The following IFNGR1 variants were observed in gnomAD, a reference collection of about 807,000 sequenced individuals.
The protein encoded by IFNGR1 is interferon gamma receptor 1.
Under a neutral mutation model 35.4 loss-of-function variants are expected in IFNGR1, and 23 were observed. The ratio of observed to expected loss-of-function variants is 0.65; its 90% CI spans 0.47 to 0.92. The LOEUF is 0.92. Among genes scored for constraint, IFNGR1 ranks in the 40% least tolerant of loss-of-function variants. IFNGR1 has a pLI of 0.00. For missense variants in IFNGR1, 533 were observed against 583.4 expected (o/e 0.91, Z 0.89); for synonymous variants, 199 against 209.5 (o/e 0.95, Z 0.43).
In IFNGR1 at chr6:137,203,538, T is replaced by C. The variant is rs200848254; in HGVS notation, c.694A>G (p.Lys232Glu). The stretch of plus-strand genomic sequence containing the variant: ...TTGAAAATGGTAATACAAACTTCTT[T>C]TGACTTTTCAGTTGTAACACCCCAC... ...HVWGVTTEKSKEVCITIFNSS... is the reference protein window; with the variant it reads ...HVWGVTTEKSEEVCITIFNSS... The change falls in exon 5 of 7, where the codon AAA becomes GAA. Residue 232 changes from lysine to glutamate, a missense_variant. By Grantham distance (56) the Lys-to-Glu change is moderately conservative (BLOSUM62 1). Transcript: ENST00000367739. 45 of 1,612,632 alleles carry C rather than the reference T, an allele frequency of 2.8e-5. No individual in the cohort carries two copies. Among genetic ancestry groups the C allele is most frequent in the African/African-American group, 4.0e-5 (3 of 74,898 alleles).
chr6:137,206,009 TA>T (rs1447419108), intron 3 of IFNGR1, 126 bp downstream of exon 3: 4 of 811,766 alleles, frequency 4.9e-6, no homozygotes, highest in Non-Finnish European at 6.2e-6. Flanking sequence ...GTACTGACTC[TA>T]AATTCCTCCA....
intron 1 of IFNGR1, 96 bp from the exon 2 acceptor site, chr6:137,207,173 A>G (rs1582638224): frequency 2.0e-6 from 3 of 1,476,800 alleles, no homozygotes; most frequent in East Asian, 2.4e-5. Flanking sequence ...CCAGATATGT[A>G]TATTTGAAGA....
intron 1 of IFNGR1, chr6:137,215,346 T>A: frequency 6.5e-7 from 1 of 1,542,948 alleles, no homozygotes; most frequent in Non-Finnish European, 8.7e-7. Context: ...GTTTCCTGAT[T>A]TTATTACATT....
At chr6:137,204,541 G>T (rs1030589560) in intron 3 of IFNGR1, 37 bp from the exon 4 acceptor site, 1 of 1,466,648 alleles carries the variant, frequency 6.8e-7, no homozygotes, top group Admixed American at 1.7e-5. Context: ...ATAAATACTG[G>T]CCTTGGAACT....
Position 137,215,913 on chromosome 6 carries a change from T to C in IFNGR1, c.85+3330A>G, listed in dbSNP as rs17181688. On this transcript the variant is annotated intron_variant, in intron 1 of 6. Coordinates refer to ENST00000367739, the MANE Select transcript of IFNGR1 (RefSeq NM_000416.3). The stretch of plus-strand genomic sequence containing the variant: ...TTTTTTGTAGAGATGGGTTTTGCCA[T>C]GTTGCCCAGGCTGGTCTTGAACTTC... Among the ~76,000 whole-genome samples, 903 of 152,258 alleles carry C rather than the reference T, an allele frequency of 5.9e-3. 6 individuals carry two copies. Among genetic ancestry groups the C allele is most frequent in the Non-Finnish European group, 9.8e-3 (665 of 68,016 alleles).
chr6:137,211,344 T>A (rs1414116047), intron 1 of IFNGR1, among the ~76,000 whole-genome samples: 1 of 152,232 alleles, frequency 6.6e-6, no homozygotes, highest in Admixed American at 6.5e-5. Context: ...CCTGTATATT[T>A]CATGGCTCCC....
At chr6:137,213,592 A>C (rs1205859223) in intron 1 of IFNGR1, among the ~76,000 whole-genome samples, 1 of 152,242 alleles carries the variant, frequency 6.6e-6, no homozygotes, top group African/African-American at 2.4e-5. Context: ...GATATGAAAA[A>C]AGAGAGACAA....
In IFNGR1 at chr6:137,207,095, A is replaced by C; in HGVS notation, c.86-18T>G. On this transcript the variant is annotated intron_variant, in intron 1 of 6. Coordinates refer to ENST00000367739, the MANE Select transcript of IFNGR1 (RefSeq NM_000416.3). ...TGTAGGCACTGTAAGAAAATAAAAA[A>C]GTAAAAGGGACAATTGTAAGAAACT... 1 of 1,613,456 alleles carries C rather than the reference A, an allele frequency of 6.2e-7. No individual in the cohort carries two copies.
intron 1 of IFNGR1, chr6:137,215,190 AAAGTTTTGTTGGTTTTCATT>A: frequency 1.3e-6 from 2 of 1,516,724 alleles, no homozygotes; most frequent in Non-Finnish European, 1.8e-6. Flanking sequence ...GACAATATGC[AAAGTTTTGTTGGTTTTCATT>A]AAGAAAAATG....
At chr6:137,198,972 A>G (rs1486961303) in intron 6 of IFNGR1, among the ~76,000 whole-genome samples, 1 of 152,172 alleles carries the variant, frequency 6.6e-6, no homozygotes, top group Non-Finnish European at 1.5e-5. Context: ...AAGGAGATTA[A>G]CATTTGAGTC....
chr6:137,201,127 A>G (rs1779267774), intron 5 of IFNGR1, 119 bp from the exon 6 acceptor site: 2 of 1,063,482 alleles, frequency 1.9e-6, no homozygotes. Flanking sequence ...CCAGAGTTTT[A>G]AAGAACACTG....
chr6:137,207,109 T>C, intron 1 of IFNGR1, 32 bp from the exon 2 acceptor site: 1 of 1,611,800 alleles, frequency 6.2e-7, no homozygotes, highest in East Asian at 2.2e-5. Context: ...AAAGGGACAA[T>C]TGTAAGAAAC....
At chr6:137,206,545 C>T (rs566406895) in intron 2 of IFNGR1, 2 of 456,048 alleles carry the variant, frequency 4.4e-6, no homozygotes, top group South Asian at 7.5e-5. Context: ...AAGCCACATT[C>T]CACATTCAAT....
intron 1 of IFNGR1, among the ~76,000 whole-genome samples, chr6:137,210,277 C>T (rs1183424457): frequency 1.3e-5 from 2 of 151,438 alleles, no homozygotes; most frequent in African/African-American, 4.9e-5. Flanking sequence ...TGAGCTGTGA[C>T]TGTGCCACTG....
chr6:137,199,511 TATA>T (rs1779205392), intron 6 of IFNGR1, among the ~76,000 whole-genome samples: 2 of 63,320 alleles, frequency 3.2e-5, no homozygotes, highest in Admixed American at 4.9e-4. Flanking sequence ...ATATATAATT[TATA>T]ATATATTATA....
In IFNGR1 at chr6:137,198,364, A is replaced by G; in HGVS notation, c.1137T>C (p.Ser379=). The change falls in exon 7 of 7, where the codon TCT becomes TCC. Residue 379 remains serine (S), a synonymous_variant. Transcript: ENST00000367739. ...SHLTPIERES[S]SPLSSNQSEP... is the part of the protein sequence containing the mutation. ...CAGACTGGTTACTACTTAAAGGTGA[A>G]GAACTCTCTCTCTCTATTGGAGTCA... The G allele has an allele frequency of 6.2e-7, 1 of 1,614,168 alleles. No individual in the cohort carries two copies. The highest frequency in any genetic ancestry group is 8.5e-7 in the Non-Finnish European group (1 of 1,180,032).
intron 1 of IFNGR1, among the ~76,000 whole-genome samples, chr6:137,208,179 T>C (rs1317971825): frequency 6.6e-6 from 1 of 152,182 alleles, no homozygotes; most frequent in Non-Finnish European, 1.5e-5. Flanking sequence ...AATTACTAAG[T>C]GGCATAGCAT....
chr6:137,201,909 A>G (rs1779286950), intron 5 of IFNGR1, among the ~76,000 whole-genome samples: 1 of 152,180 alleles, frequency 6.6e-6, no homozygotes, highest in Non-Finnish European at 1.5e-5. Context: ...CCAAGCACAT[A>G]CATCTAGAAT....
At chr6:137,209,048 G>A (rs748597176) in intron 1 of IFNGR1, among the ~76,000 whole-genome samples, 1 of 152,170 alleles carries the variant, frequency 6.6e-6, no homozygotes, top group Non-Finnish European at 1.5e-5. Flanking sequence ...AGATCATTTC[G>A]GAGCTTTAAG....
Sources: allele counts gnomAD v4.1 joint callset (sites outside exome capture counted in the v4.1 genomes callset), GRCh38; gene constraint gnomAD v4.1.1; transcripts MANE v1.5; gene names NCBI Gene and HGNC (gene_info 2026-07-23, HGNC 2026-07-21).